The following CEP350 variants were observed in gnomAD, a reference collection of about 807,000 sequenced individuals.
CEP350 encodes centrosomal protein 350.
Under a neutral mutation model 331.8 loss-of-function variants are expected in CEP350, and 126 were observed. The ratio of observed to expected loss-of-function variants is 0.38; its 90% CI spans 0.33 to 0.44. The LOEUF (loss-of-function observed/expected upper bound fraction) is 0.44. Among genes scored for constraint, CEP350 ranks in the 20% least tolerant of loss-of-function variants. The probability of loss-of-function intolerance (pLI) is 1.00; values close to 1 mark genes in which losing one functional copy is unlikely to be tolerated. For missense variants in CEP350, 3,406 were observed against 3,634.6 expected, an observed-to-expected ratio of 0.94 and a Z score of 1.62; for synonymous variants, 1,200 against 1,259.5, an observed-to-expected ratio of 0.95 and a Z score of 1.00.
rs77044199 is a variant in CEP350, at chr1:179,976,886, G to T, written c.-13-9283G>T. On this transcript the variant is annotated intron_variant, in intron 1 of 37. Coordinates refer to ENST00000367607, the MANE Select transcript of CEP350 (RefSeq NM_014810.5). ...AAATTTGTTCTAAGACTTCAGAGAG[G>T]CCTCAAAGAATGCAAGAGCAGAAAA... 5.5e-3 allele frequency among the ~76,000 whole-genome samples: 832 copies of T among 152,230 alleles called. 11 individuals are homozygous for T. Among genetic ancestry groups the T allele is most frequent in the African/African-American group, 0.019 (802 of 41,520 alleles).
At chr1:180,031,071 T>G (rs1655993535) in intron 14 of CEP350, among the ~76,000 whole-genome samples, 1 of 152,016 alleles carries the variant, frequency 6.6e-6, no homozygotes, top group East Asian at 1.9e-4. Flanking sequence ...CTTTTATTAC[T>G]ATTGCACTAA....
Position 180,093,089 on chromosome 1 carries a change from G to T in CEP350, c.6984G>T (p.Met2328Ile), listed in dbSNP as rs779197178. The change falls in exon 34 of 38, where the codon ATG becomes ATT. Residue 2328 changes from methionine (M) to isoleucine (I), a missense_variant. Met to Ile is a conservative substitution (Grantham distance 10). This residue lies in a region of CEP350 where 1,415 missense variants were observed against 1,512.3 expected (regional missense o/e 0.94). Coordinates refer to ENST00000367607, the MANE Select transcript of CEP350 (RefSeq NM_014810.5). Reference sequence around the variant, plus strand: ...AAAATCTCCATAAAAGTGAGGAAATGTTGAAAGAGAGACAGTCAGATCAAG... The same window carrying T: ...AAAATCTCCATAAAAGTGAGGAAATTTTGAAAGAGAGACAGTCAGATCAAG... The part of the protein sequence containing the change: ...AIENLHKSEE[M>I]LKERQSDQDM... The T allele has an allele frequency of 1.2e-6, 2 of 1,604,454 alleles. No homozygotes were observed. Among genetic ancestry groups the T allele is most frequent in the Admixed American group, 3.4e-5 (2 of 58,488 alleles).
At chr1:180,012,190 T>G (rs913481287) in intron 9 of CEP350, 115 bp downstream of exon 9, 1 of 1,013,386 alleles carries the variant, frequency 9.9e-7, no homozygotes, top group Non-Finnish European at 1.4e-6. Flanking sequence ...TAATTTTGAA[T>G]GTAGCTCAAA....
chr1:180,012,031 C>T lies in CEP350; in HGVS notation c.1349C>T (p.Thr450Ile). 6.3e-7 allele frequency: 1 copy of T among 1,577,340 alleles called. No homozygotes were observed. Among genetic ancestry groups the T allele is most frequent in the Non-Finnish European group, 8.6e-7 (1 of 1,160,752 alleles). Reference protein sequence around the residue: ...APRMEPKEQRTASSDRGGRER... With the variant: ...APRMEPKEQRIASSDRGGRER... ...AGAATGGAGCCAAAAGAGCAAAGAA[C>T]AGCATCAAGTGACAGAGGTGGAAGA... Residue 450 changes from threonine to isoleucine, a missense_variant, in exon 9 of 38, where the codon ACA becomes ATA. Transcript: ENST00000367607.
At chr1:179,965,026 G>A (rs1330268364) in intron 1 of CEP350, among the ~76,000 whole-genome samples, 1 of 151,886 alleles carries the variant, frequency 6.6e-6, no homozygotes, top group Non-Finnish European at 1.5e-5. Flanking sequence ...TCTTTTTGAT[G>A]TAGGCATTTA....
At chr1:179,993,581 G>A (rs1360164529) in intron 5 of CEP350, among the ~76,000 whole-genome samples, 7 of 151,902 alleles carry the variant, frequency 4.6e-5, no homozygotes, top group Non-Finnish European at 8.8e-5. Flanking sequence ...TACCATGACC[G>A]ACTAATTTTT....
intron 6 of CEP350, among the ~76,000 whole-genome samples, chr1:179,999,133 C>T (rs1653688540): frequency 6.6e-6 from 1 of 152,074 alleles, no homozygotes; most frequent in Admixed American, 6.6e-5. Flanking sequence ...GTATAGATTA[C>T]ATATTTAAGT....
chr1:180,072,262 T>G (rs576952328), intron 27 of CEP350, among the ~76,000 whole-genome samples: 9 of 152,340 alleles, frequency 5.9e-5, no homozygotes, highest in Admixed American at 5.9e-4. Flanking sequence ...ACTAGAGCTT[T>G]GGAATATGCT....
Position 180,113,552 on chromosome 1 carries a change from A to G in CEP350, c.*2391A>G, listed in dbSNP as rs1661548185. The G allele has an allele frequency of 1.4e-5, 2 of 142,404 alleles. No individual in the cohort carries two copies. The highest frequency in any genetic ancestry group is 1.5e-4 in the Admixed American group (2 of 13,024). The allele number at this position is 142,404 out of a possible 1,614,324, so 8.8% of individuals were successfully genotyped here. A position where few individuals can be genotyped will look rare whatever the true frequency, so the allele number is the denominator to read the frequency against. On this transcript the variant is annotated 3_prime_UTR_variant, in exon 38 of 38. Coordinates refer to ENST00000367607, the MANE Select transcript of CEP350 (RefSeq NM_014810.5). ...GTCTTATTCTTTTCTAGAAATGGTT[A>G]TCTGTAGTTTGGTAGCAAAAAAAAA... is the stretch of plus-strand genomic sequence containing the variant.
chr1:180,104,508 G>A (rs982329614), intron 37 of CEP350, among the ~76,000 whole-genome samples: 2 of 152,002 alleles, frequency 1.3e-5, no homozygotes, highest in African/African-American at 4.8e-5. Flanking sequence ...TCTCTCATGG[G>A]GATTCTTTTA....
chr1:180,012,424 A>G (rs927884598), intron 9 of CEP350, among the ~76,000 whole-genome samples: 6 of 152,226 alleles, frequency 3.9e-5, no homozygotes, highest in Non-Finnish European at 5.9e-5. Flanking sequence ...ACGGACAAAC[A>G]TTCACAAGGT....
Position 180,013,962 on chromosome 1 carries a change from A to T in CEP350, c.1509A>T (p.Lys503Asn), listed in dbSNP as rs376016699. 6.8e-6 allele frequency: 11 copies of T among 1,613,786 alleles called. No homozygotes were observed. The East Asian group carries it at 2.2e-4, about 33-fold the overall frequency. The change falls in exon 10 of 38, where the codon AAA becomes AAT. Residue 503 changes from lysine to asparagine, a missense_variant. By Grantham distance (94) the Lys-to-Asn change is moderately conservative (BLOSUM62 0). This residue lies in a region of CEP350 where 1,857 missense variants were observed against 1,909.2 expected (regional missense o/e 0.97). Transcript: ENST00000367607. ...CTCGGTCTGAAAATAATATAAAGAA[A>T]CTAGCTTCATCTCTTCCAGATAATA... ...SKSRSENNIK[K>N]LASSLPDNKQ...
rs114867575 is a variant in CEP350, at chr1:180,066,324, A to G, written c.5567+1052A>G. On this transcript the variant is annotated intron_variant, in intron 27 of 37. Transcript: ENST00000367607. ...AACCCATTAAATATGGAAGAGACTC[A>G]TTAGAAATTTTTGCTGACTACCATT... 4.3e-3 allele frequency among the ~76,000 whole-genome samples: 650 copies of G among 152,346 alleles called. 2 individuals carry two copies. Among genetic ancestry groups the G allele is most frequent in the Non-Finnish European group, 7.3e-3 (499 of 68,030 alleles).
chr1:180,034,882 G>A (rs536509029), intron 16 of CEP350, among the ~76,000 whole-genome samples: 1 of 152,160 alleles, frequency 6.6e-6, no homozygotes, highest in Non-Finnish European at 1.5e-5. Context: ...GAGAGGAAGA[G>A]TCACATCTCT....
At chr1:180,031,263 TCTCTCTCAATAA>T in intron 14 of CEP350, 45 bp from the exon 15 acceptor site, 1 of 998,066 alleles carries the variant, frequency 1.0e-6, no homozygotes, top group Non-Finnish European at 1.5e-6. Flanking sequence ...ATATCAATTA[TCTCTCTCAATAA>T]CTTCTAATAT....
intron 1 of CEP350, among the ~76,000 whole-genome samples, chr1:179,977,440 G>A (rs1180336357): frequency 6.6e-5 from 10 of 152,160 alleles, no homozygotes; most frequent in African/African-American, 2.2e-4. Flanking sequence ...CTGGATGAGG[G>A]GAGAGAGATG....
At chr1:180,044,022 T>A in intron 20 of CEP350, 29 bp from the exon 21 acceptor site, 1 of 1,501,186 alleles carries the variant, frequency 6.7e-7, no homozygotes, top group Admixed American at 2.4e-5. Flanking sequence ...AGACTTTGAA[T>A]GTTTAATCAG....
chr1:180,047,639 G>A (rs937955369), intron 21 of CEP350, among the ~76,000 whole-genome samples: 3 of 150,628 alleles, frequency 2.0e-5, no homozygotes, highest in African/African-American at 7.3e-5. Flanking sequence ...GCACATGCCT[G>A]TAATCCTAGC....
intron 1 of CEP350, among the ~76,000 whole-genome samples, chr1:179,955,659 G>T (rs1231717438): frequency 6.6e-6 from 1 of 152,198 alleles, no homozygotes; most frequent in African/African-American, 2.4e-5. Flanking sequence ...TTTATGTTTT[G>T]GAAGTTGTCA....
Sources: allele counts gnomAD v4.1 joint callset (sites outside exome capture counted in the v4.1 genomes callset), GRCh38; gene constraint gnomAD v4.1.1; regional missense constraint gnomAD v4.1.1; transcripts MANE v1.5; gene names NCBI Gene and HGNC (gene_info 2026-07-23, HGNC 2026-07-21).